The following KYAT3 variants were observed in gnomAD, a reference collection of about 807,000 sequenced individuals.
The protein encoded by KYAT3 is kynurenine aminotransferase 3.
A neutral mutation model predicts 59.0 loss-of-function variants in KYAT3; 50 were observed. The ratio of observed to expected loss-of-function variants is 0.85; its 90% CI spans 0.68 to 1.07. KYAT3 has a LOEUF of 1.07. KYAT3 is among the 50% of genes least tolerant of loss of function. The pLI is 0.00. For synonymous variants in KYAT3, 148 were observed against 177.0 expected, an observed-to-expected ratio of 0.84 and a Z score of 1.30; for missense variants, 497 against 533.3, an observed-to-expected ratio of 0.93 and a Z score of 0.67.
intron 2 of KYAT3, among the ~76,000 whole-genome samples, chr1:88,985,961 A>ACTT (rs1677424238): frequency 6.6e-6 from 1 of 152,110 alleles, no homozygotes; most frequent in African/African-American, 2.4e-5. Context: ...AGGGTGGATC[A>ACTT]CTTGAGCCCA....
downstream of KYAT3, among the ~76,000 whole-genome samples, chr1:88,934,380 G>C (rs576679586): frequency 1.6e-4 from 24 of 152,158 alleles, no homozygotes; most frequent in Non-Finnish European, 1.9e-4. Context: ...CTTGAACCTG[G>C]GGGGCAGAGG....
chr1:88,961,679 A>G (rs953375331), intron 6 of KYAT3, among the ~76,000 whole-genome samples, 173 bp from the exon 7 acceptor site: 4 of 152,226 alleles, frequency 2.6e-5, no homozygotes, highest in African/African-American at 9.6e-5. Context: ...CTAGAAAAAG[A>G]CTAACAAAGA....
At chr1:88,927,074 C>T in the KYAT3 span, among the ~76,000 whole-genome samples, 3 of 152,106 alleles carry the variant, frequency 2.0e-5, no homozygotes, top group Non-Finnish European at 2.9e-5. Flanking sequence ...GTAACTAATC[C>T]GATAAGCAGA....
At chr1:88,975,760 C>G (rs1676761845) in intron 2 of KYAT3, among the ~76,000 whole-genome samples, 1 of 152,180 alleles carries the variant, frequency 6.6e-6, no homozygotes, top group Non-Finnish European at 1.5e-5. Flanking sequence ...GCAGGCCGAG[C>G]ATGGTGGCTC....
chr1:88,955,759 TC>T (rs1372342349), intron 8 of KYAT3, among the ~76,000 whole-genome samples: 101 of 152,286 alleles, frequency 6.6e-4, no homozygotes, highest in African/African-American at 2.3e-3. Context: ...GAAAGGCAAA[TC>T]ACTGGGCCTC....
At chr1:88,948,683 A>G (rs1269361510) in intron 11 of KYAT3, among the ~76,000 whole-genome samples, 1 of 152,246 alleles carries the variant, frequency 6.6e-6, no homozygotes, top group African/African-American at 2.4e-5. Flanking sequence ...CTAAAATGGC[A>G]AATATTCCCT....
At chr1:88,974,900 T>C (rs1424139554) in intron 2 of KYAT3, among the ~76,000 whole-genome samples, 1 of 152,092 alleles carries the variant, frequency 6.6e-6, no homozygotes, top group Admixed American at 6.5e-5. Context: ...CTCTGTAAAA[T>C]GGACCAATCA....
In KYAT3 at chr1:88,964,864, T is replaced by A; in HGVS notation, c.418A>T (p.Asn140Tyr). The change falls in exon 5 of 14, where the codon AAC (asparagine) becomes TAC (tyrosine). Residue 140 changes from asparagine (N) to tyrosine (Y), a missense_variant. Physicochemically the swap from Asn to Tyr is moderately radical, Grantham distance 143. This residue lies in a region of KYAT3 where 469 missense variants were observed against 479.1 expected (regional missense o/e 0.98). Coordinates refer to ENST00000260508, the MANE Select transcript of KYAT3 (RefSeq NM_001008661.3). ...TCATCAATTAATGCTTGAATGGTGTTAAAAAGAGATCCATATGCTCCTACT... is the reference window on the plus strand; with the variant it reads ...TCATCAATTAATGCTTGAATGGTGTAAAAAAGAGATCCATATGCTCCTACT... ...VTVGAYGSLF[N>Y]TIQALIDEGD... 6.2e-7 allele frequency: 1 copy of A among 1,603,320 alleles called. No individual in the cohort carries two copies. The highest frequency in any genetic ancestry group is 8.5e-7 in the Non-Finnish European group (1 of 1,176,878).
chr1:88,933,918 T>C (rs971722854), downstream of KYAT3, among the ~76,000 whole-genome samples: 2 of 152,136 alleles, frequency 1.3e-5, no homozygotes, highest in African/African-American at 4.8e-5. Context: ...ACCCCTAACC[T>C]GTCGGCCTTG....
the KYAT3 span, among the ~76,000 whole-genome samples, chr1:88,930,337 G>A: frequency 6.6e-6 from 1 of 152,214 alleles, no homozygotes; most frequent in South Asian, 2.1e-4. Flanking sequence ...ATTACTTGAA[G>A]GGCCAGTGCT....
intron 2 of KYAT3, among the ~76,000 whole-genome samples, chr1:88,970,621 A>C (rs1676521067): frequency 6.6e-6 from 1 of 152,208 alleles, no homozygotes; most frequent in South Asian, 2.1e-4. Context: ...AATACCAAGC[A>C]AGCTAAGGCT....
At chr1:88,978,202 A>T (rs1676888780) in intron 2 of KYAT3, among the ~76,000 whole-genome samples, 1 of 152,202 alleles carries the variant, frequency 6.6e-6, no homozygotes, top group Non-Finnish European at 1.5e-5. Context: ...ACCACTTCCT[A>T]AGTGTCTTTG....
At chr1:88,978,676 A>AG (rs879609472) in intron 2 of KYAT3, among the ~76,000 whole-genome samples, 2 of 143,356 alleles carry the variant, frequency 1.4e-5, no homozygotes, top group African/African-American at 2.6e-5. Context: ...TTTGTTCTTA[A>AG]TTTTTTTTTT....
intron 3 of KYAT3, 51 bp from the exon 4 acceptor site, chr1:88,968,865 C>T (rs747214663): frequency 4.3e-6 from 6 of 1,380,602 alleles, no homozygotes; most frequent in African/African-American, 1.5e-5. Flanking sequence ...TTATAAAGTT[C>T]GCTTTTTTAT....
chr1:88,938,769 C>G (rs1675129098), intron 13 of KYAT3, among the ~76,000 whole-genome samples: 1 of 152,178 alleles, frequency 6.6e-6, no homozygotes, highest in Non-Finnish European at 1.5e-5. Flanking sequence ...ACCACATTTT[C>G]TTTATCCAAT....
intron 2 of KYAT3, among the ~76,000 whole-genome samples, chr1:88,973,961 A>G (rs901145963): frequency 1.3e-5 from 2 of 152,168 alleles, no homozygotes; most frequent in Admixed American, 1.3e-4. Flanking sequence ...GAGGCTGTGG[A>G]TATCTGTGTA....
chr1:88,943,288 G>T, intron 12 of KYAT3, 62 bp downstream of exon 12: 2 of 1,104,696 alleles, frequency 1.8e-6, no homozygotes, highest in South Asian at 1.3e-5. Flanking sequence ...CATACCAGCA[G>T]ATTTCCTTCA....
the KYAT3 span, among the ~76,000 whole-genome samples, chr1:88,929,829 G>A: frequency 1.3e-5 from 2 of 152,202 alleles, no homozygotes; most frequent in African/African-American, 4.8e-5. Context: ...AAGCAACTAA[G>A]AGGATTCCTT....
At chr1:88,931,931 A>C (rs886328360), downstream of KYAT3, among the ~76,000 whole-genome samples, 14 of 126,434 alleles carry the variant, frequency 1.1e-4, no homozygotes, top group African/African-American at 3.5e-4. Context: ...CCTCTCCCCA[A>C]CTCAGGTCTC....
Sources: gnomAD v4.1 joint callset for allele counts (sites outside exome capture counted in the v4.1 genomes callset) on GRCh38, gnomAD v4.1.1 for gene constraint, gnomAD v4.1.1 regional missense constraint, MANE v1.5 for transcripts, NCBI Gene and HGNC (gene_info 2026-07-23, HGNC 2026-07-21) for gene names.